UBE2G1: variants seen among roughly 807,000 people sequenced by gnomAD.
UBE2G1 encodes ubiquitin-conjugating enzyme E2 G1.
Under a neutral mutation model 22.7 loss-of-function variants are expected in UBE2G1, and 5 were observed. The ratio of observed to expected loss-of-function variants is 0.22; its 90% CI spans 0.12 to 0.46. The LOEUF (loss-of-function observed/expected upper bound fraction) is 0.46, where lower values mean the gene tolerates loss of function less well. Among genes scored for constraint, UBE2G1 ranks in the 20% least tolerant of loss-of-function variants. The probability of loss-of-function intolerance (pLI) is 0.99; values close to 1 mark genes in which losing one functional copy is unlikely to be tolerated. For missense variants in UBE2G1, 88 were observed against 203.9 expected (o/e 0.43, Z 3.46); for synonymous variants, 74 against 67.5 (o/e 1.10, Z -0.47).
At position 4,322,125 on chromosome 17, in the gene UBE2G1, CAA is replaced by C. The variant is rs542598756; in HGVS notation, c.47-15004_47-15003del. Among the ~76,000 whole-genome samples the C allele has an allele frequency of 3.1e-3, 471 of 152,248 alleles. 3 individuals carry two copies. Among genetic ancestry groups the C allele is most frequent in the African/African-American group, 0.011 (441 of 41,542 alleles). On this transcript the variant is annotated intron_variant, in intron 1 of 5. Coordinates refer to ENST00000396981, the MANE Select transcript of UBE2G1 (RefSeq NM_003342.5). ...AAGAAGTGGATTCACATAAAATGCACAAAGTTAAAAACTGGAACAGGTAATAC... is the reference window on the plus strand; with the variant it reads ...AAGAAGTGGATTCACATAAAATGCACAGTTAAAAACTGGAACAGGTAATAC...
chr17:4,365,183 G>T (rs1970017875), intron 1 of UBE2G1, among the ~76,000 whole-genome samples: 1 of 152,208 alleles, frequency 6.6e-6, no homozygotes, highest in Non-Finnish European at 1.5e-5. Flanking sequence ...ACTGGTTTTA[G>T]AGTGGGTAGG....
At position 4,269,811 on chromosome 17, in the gene UBE2G1, T is replaced by A; in HGVS notation, c.*2743A>T. The A allele has an allele frequency of 5.4e-6, 1 of 183,512 alleles. No individual in the cohort carries two copies. The highest frequency in any genetic ancestry group is 1.4e-4 in the South Asian group (1 of 6,968). 11.4% of individuals were successfully genotyped at this position (183,512 alleles called of 1,614,324 possible). A position where few individuals can be genotyped will look rare whatever the true frequency, so the allele number is the denominator to read the frequency against. ...ACAATCCATAAGATCTATGGAGATGTTGTTGATGGTTGGCACAAGTTTAGG... is the reference window on the plus strand; with the variant it reads ...ACAATCCATAAGATCTATGGAGATGATGTTGATGGTTGGCACAAGTTTAGG... On this transcript the variant is annotated 3_prime_UTR_variant, in exon 6 of 6. Transcript: ENST00000396981.
chr17:4,298,666 G>A lies in UBE2G1; in HGVS notation c.150-1852C>T, dbSNP rs191873632. ...CAATTTTTTTAGTAAAAAGCAATAG[G>A]AAAAAAAGCTGTAAAGGGTTAAAGA... On this transcript the variant is annotated intron_variant, in intron 2 of 5. Transcript: ENST00000396981. Among the ~76,000 whole-genome samples the A allele has an allele frequency of 6.6e-5, 10 of 152,088 alleles. No individual in the cohort carries two copies. The East Asian group carries it at 1.9e-3, about 29-fold the overall frequency.
At chr17:4,366,249 G>A in intron 1 of UBE2G1, 22 bp downstream of exon 1, 1 of 1,528,594 alleles carries the variant, frequency 6.5e-7, no homozygotes, top group South Asian at 1.2e-5. Context: ...CGGGCCCGGC[G>A]CCCCGCCGCC....
intron 2 of UBE2G1, chr17:4,302,314 T>A (rs1363444141): frequency 4.2e-6 from 2 of 474,204 alleles, no homozygotes; most frequent in African/African-American, 4.0e-5. Context: ...CTGCGTGTGG[T>A]TGCAGCCACT....
rs1200139322 is a variant in UBE2G1, at chr17:4,296,785, G to T, written c.179C>A (p.Thr60Asn). The T allele has an allele frequency of 2.5e-6, 4 of 1,613,788 alleles. No homozygotes were observed. The Admixed American group carries it at 6.7e-5, about 27-fold the overall frequency. Residue 60 changes from threonine (T) to asparagine (N), a missense_variant, in exon 3 of 6, where the codon ACT becomes AAT. Coordinates refer to ENST00000396981, the MANE Select transcript of UBE2G1 (RefSeq NM_003342.5). ...TCGGAGGGGATAATCTTTTGGGAAA[G>T]TAAGATGAGCCTTAAAAACACCACC... Reference protein sequence around the residue: ...YEGGVFKAHLTFPKDYPLRPP... With the variant: ...YEGGVFKAHLNFPKDYPLRPP...
intron 2 of UBE2G1, among the ~76,000 whole-genome samples, chr17:4,298,018 C>T (rs942992478): frequency 1.3e-5 from 2 of 152,172 alleles, no homozygotes; most frequent in Admixed American, 6.5e-5. Context: ...CATTAAAGAG[C>T]ACTGTGGAGC....
At chr17:4,309,121 A>G (rs987862244) in intron 1 of UBE2G1, among the ~76,000 whole-genome samples, 2 of 152,204 alleles carry the variant, frequency 1.3e-5, no homozygotes, top group Non-Finnish European at 2.9e-5. Flanking sequence ...TTGGCCGGGC[A>G]TGGAGGCGGA....
intron 5 of UBE2G1, among the ~76,000 whole-genome samples, chr17:4,275,085 G>C (rs1320726844): frequency 1.3e-5 from 2 of 152,078 alleles, no homozygotes; most frequent in Non-Finnish European, 2.9e-5. Context: ...CTAGGCAACA[G>C]AGCAAGACTC....
chr17:4,312,249 A>G (rs1026961958), intron 1 of UBE2G1, among the ~76,000 whole-genome samples: 7 of 151,906 alleles, frequency 4.6e-5, no homozygotes, highest in Non-Finnish European at 1.0e-4. Flanking sequence ...AAGAAAGAAA[A>G]AAAAATCTGA....
At chr17:4,354,285 C>T (rs1380352781) in intron 1 of UBE2G1, among the ~76,000 whole-genome samples, 2 of 152,078 alleles carry the variant, frequency 1.3e-5, no homozygotes, top group African/African-American at 4.8e-5. Flanking sequence ...TATTATGGAA[C>T]TTTTATTTTT....
rs1209961103 is a variant in UBE2G1, at chr17:4,282,781, A to G, written c.*37+17T>C. 3 of 1,522,440 alleles carry G rather than the reference A, an allele frequency of 2.0e-6. No individual in the cohort carries two copies. The Admixed American group carries it at 5.9e-5, about 30-fold the overall frequency. The allele number at this position is 1,522,440 out of a possible 1,614,324, so 94.3% of individuals were successfully genotyped here. A position where few individuals can be genotyped will look rare whatever the true frequency, so the allele number is the denominator to read the frequency against. Reference sequence around the variant, plus strand: ...ACTTACAAAAAAACAAAAGTATGATATTTAAAATAAACTTACCCTGAAATA... The same window carrying G: ...ACTTACAAAAAAACAAAAGTATGATGTTTAAAATAAACTTACCCTGAAATA... On this transcript the variant is annotated intron_variant, in intron 5 of 5. Transcript: ENST00000396981.
At chr17:4,343,905 G>A (rs1420934467) in intron 1 of UBE2G1, among the ~76,000 whole-genome samples, 2 of 152,020 alleles carry the variant, frequency 1.3e-5, no homozygotes, top group Non-Finnish European at 2.9e-5. Context: ...TTTTTCAAGA[G>A]GAGCAGAAAC....
At chr17:4,344,042 C>A (rs531033563) in intron 1 of UBE2G1, among the ~76,000 whole-genome samples, 6 of 152,240 alleles carry the variant, frequency 3.9e-5, no homozygotes, top group Non-Finnish European at 8.8e-5. Context: ...CAAACAAATA[C>A]AATGGTACTC....
At chr17:4,312,100 T>G (rs1287757089) in intron 1 of UBE2G1, among the ~76,000 whole-genome samples, 1 of 151,324 alleles carries the variant, frequency 6.6e-6, no homozygotes, top group African/African-American at 2.4e-5. Context: ...ATACAAAAAT[T>G]AGCCGGGTGG....
At position 4,366,479 on chromosome 17, in the gene UBE2G1, C is replaced by T. The variant is rs2143847107; in HGVS notation, c.-163G>A. On this transcript the variant is annotated 5_prime_UTR_variant, in exon 1 of 6. Transcript: ENST00000396981. ...GGCGGCGGGAGCGGCGCCTCGCTGCCGGTGCGAGTCCGCTCGCTTCAGCTC... is the reference window on the plus strand; with the variant it reads ...GGCGGCGGGAGCGGCGCCTCGCTGCTGGTGCGAGTCCGCTCGCTTCAGCTC... 3.5e-6 allele frequency: 2 copies of T among 577,336 alleles called. No individual in the cohort carries two copies. The highest frequency in any genetic ancestry group is 7.2e-5 in the East Asian group (2 of 27,912). The allele number at this position is 577,336 out of a possible 1,614,324, so 35.8% of individuals were successfully genotyped here.
intron 1 of UBE2G1, among the ~76,000 whole-genome samples, chr17:4,360,819 G>A (rs1213614808): frequency 3.3e-5 from 5 of 152,232 alleles, no homozygotes; most frequent in Non-Finnish European, 5.9e-5. Context: ...GCTGAGGTAG[G>A]AGAATCACTT....
chr17:4,361,710 G>A (rs920284807), intron 1 of UBE2G1, among the ~76,000 whole-genome samples: 7 of 151,716 alleles, frequency 4.6e-5, no homozygotes, highest in Admixed American at 1.3e-4. Context: ...AAGCTGAGGC[G>A]GGTGAATCAC....
rs576703506 is a variant in UBE2G1 at position 4,277,993 on chromosome 17, G to A, written c.*37+4805C>T. On this transcript the variant is annotated intron_variant, in intron 5 of 5. Coordinates refer to ENST00000396981, the MANE Select transcript of UBE2G1 (RefSeq NM_003342.5). ...CTGCCTCCTGCAGCCTCTGCCTCCG[G>A]GATTCAAGTGATTCTCCTGCGTCAG... Among the ~76,000 whole-genome samples, 8 of 152,118 alleles carry A rather than the reference G, an allele frequency of 5.3e-5. No homozygotes were observed. The South Asian group carries it at 1.7e-3, about 32-fold the overall frequency.
Sources: gnomAD v4.1 joint callset for allele counts (sites outside exome capture counted in the v4.1 genomes callset) on GRCh38, gnomAD v4.1.1 for gene constraint, MANE v1.5 for transcripts, NCBI Gene and HGNC (gene_info 2026-07-23, HGNC 2026-07-21) for gene names.